The following FUT8 variants were observed in gnomAD, a reference collection of about 807,000 sequenced individuals.
FUT8 encodes alpha-(1,6)-fucosyltransferase.
A neutral mutation model predicts 71.3 loss-of-function variants in FUT8; 29 were observed. That is an observed-to-expected ratio of 0.41 (90% CI 0.30 to 0.55). FUT8 has a LOEUF of 0.55. Ranked by LOEUF, FUT8 falls within the 20% of genes least tolerant of loss-of-function variation. The pLI is 0.34. For synonymous variants in FUT8, 254 were observed against 239.3 expected (o/e 1.06, Z -0.57); for missense variants, 544 against 702.1 (o/e 0.77, Z 2.55).
chr14:65,507,961 A>G (rs1271384604), intron 2 of FUT8, among the ~76,000 whole-genome samples: 1 of 151,868 alleles, frequency 6.6e-6, no homozygotes, highest in East Asian at 1.9e-4. Context: ...CTTTGCCAGC[A>G]TTGATTATTG....
At chr14:65,629,285 A>G (rs572525630) in intron 5 of FUT8, among the ~76,000 whole-genome samples, 22 of 152,358 alleles carry the variant, frequency 1.4e-4, no homozygotes, top group Non-Finnish European at 2.2e-4. Flanking sequence ...TATTTTCTCA[A>G]CAGTGAAAAT....
intron 2 of FUT8, among the ~76,000 whole-genome samples, chr14:65,480,416 G>A (rs1488139512): frequency 1.3e-5 from 2 of 150,638 alleles, no homozygotes; most frequent in African/African-American, 4.9e-5. Flanking sequence ...CCCAGGCTTA[G>A]GTGATCCTCC....
intron 7 of FUT8, among the ~76,000 whole-genome samples, chr14:65,672,247 A>G (rs1892508429): frequency 6.6e-6 from 1 of 152,222 alleles, no homozygotes; most frequent in Non-Finnish European, 1.5e-5. Flanking sequence ...TCACCTGTAC[A>G]TGCCATGTCT....
chr14:65,542,781 G>C (rs1884752405), intron 2 of FUT8, among the ~76,000 whole-genome samples: 3 of 152,070 alleles, frequency 2.0e-5, no homozygotes, highest in South Asian at 4.2e-4. Context: ...ATATGACTAG[G>C]AATTTTTTAT....
chr14:65,728,918 CGTT>C (rs1566920505), intron 9 of FUT8, among the ~76,000 whole-genome samples: 1 of 151,764 alleles, frequency 6.6e-6, no homozygotes, highest in African/African-American at 2.4e-5. Context: ...AACATATCCT[CGTT>C]GTTAACTGGA....
Position 65,608,019 on chromosome 14 carries a change from T to G in FUT8, c.204-7959T>G, listed in dbSNP as rs1183237657. Among the ~76,000 whole-genome samples, 15 of 146,936 alleles carry G rather than the reference T, an allele frequency of 1.0e-4. 1 individual carries two copies. The highest frequency in any genetic ancestry group is 2.5e-4 in the African/African-American group (10 of 39,634). ...GGCAGAGGTTGCAGTGAGCCGAGATTGTGCCACTGCACTCCAGCCTGGCAA... is the reference window on the plus strand; with the variant it reads ...GGCAGAGGTTGCAGTGAGCCGAGATGGTGCCACTGCACTCCAGCCTGGCAA... On this transcript the variant is annotated intron_variant, in intron 3 of 10. Coordinates refer to ENST00000673929, the MANE Select transcript of FUT8 (RefSeq NM_001371533.1).
intron 7 of FUT8, among the ~76,000 whole-genome samples, chr14:65,674,230 G>C (rs1306427413): frequency 6.6e-6 from 1 of 152,070 alleles, no homozygotes; most frequent in African/African-American, 2.4e-5. Context: ...TACTATTTTT[G>C]ATCCCTTATG....
intron 7 of FUT8, among the ~76,000 whole-genome samples, chr14:65,697,216 G>C (rs976222671): frequency 6.6e-6 from 1 of 152,190 alleles, no homozygotes; most frequent in Non-Finnish European, 1.5e-5. Flanking sequence ...TGTGCTTACT[G>C]TAGCCATAGC....
intron 7 of FUT8, among the ~76,000 whole-genome samples, chr14:65,705,472 A>G (rs1894511718): frequency 6.6e-6 from 1 of 152,174 alleles, no homozygotes; most frequent in Non-Finnish European, 1.5e-5. Flanking sequence ...TCATCCCTCT[A>G]AAGGTCTCAC....
the FUT8 span, among the ~76,000 whole-genome samples, chr14:65,396,510 G>C: frequency 6.6e-6 from 1 of 152,206 alleles, no homozygotes; most frequent in Non-Finnish European, 1.5e-5. This position sits in a 1 kb window ranked among gnomAD's most constrained non-coding sequence, Gnocchi z 5.5. Context: ...CAGATCTCAT[G>C]AGACTTCTTC....
intron 2 of FUT8, among the ~76,000 whole-genome samples, chr14:65,476,215 G>T (rs994929366): frequency 2.0e-5 from 3 of 152,184 alleles, no homozygotes; most frequent in African/African-American, 4.8e-5. Context: ...GGTTTGTCCA[G>T]AGCAGGACTG....
intron 2 of FUT8, among the ~76,000 whole-genome samples, chr14:65,505,690 A>T (rs1458046752): frequency 1.3e-5 from 2 of 152,158 alleles, no homozygotes; most frequent in Non-Finnish European, 2.9e-5. Flanking sequence ...TATTTAGAAA[A>T]TTAAGAGTGG....
chr14:65,539,474 G>A (rs1884546851), intron 2 of FUT8, among the ~76,000 whole-genome samples: 1 of 152,190 alleles, frequency 6.6e-6, no homozygotes, highest in South Asian at 2.1e-4. Flanking sequence ...CAGTAGTTGA[G>A]TGGACTCTAG....
At chr14:65,702,745 G>A (rs534060386) in intron 7 of FUT8, among the ~76,000 whole-genome samples, 40 of 145,232 alleles carry the variant, frequency 2.8e-4, no homozygotes, top group African/African-American at 7.3e-4. Flanking sequence ...AATTTTTGTG[G>A]TTTTTTTTTT....
chr14:65,694,823 T>C lies in FUT8; in HGVS notation c.835+25343T>C, dbSNP rs890676823. On this transcript the variant is annotated intron_variant, in intron 7 of 10. Transcript: ENST00000673929. Reference sequence around the variant, plus strand: ...AAACCAAACACCGCATATTCTCACTTATAGGTGGGAATTGAACAATGAGAA... The same window carrying C: ...AAACCAAACACCGCATATTCTCACTCATAGGTGGGAATTGAACAATGAGAA... Among the ~76,000 whole-genome samples, 11 of 139,530 alleles carry C rather than the reference T, an allele frequency of 7.9e-5. No individual in the cohort carries two copies. In the East Asian group the frequency reaches 1.7e-3, roughly 22 times the overall value. 91.5% of individuals were successfully genotyped at this position (139,530 alleles called of 152,430 possible). A position where few individuals can be genotyped will look rare whatever the true frequency, so the allele number is the denominator to read the frequency against.
chr14:65,494,613 A>G (rs750171717), intron 2 of FUT8, among the ~76,000 whole-genome samples: 11 of 151,984 alleles, frequency 7.2e-5, no homozygotes, highest in Non-Finnish European at 1.6e-4. Flanking sequence ...TTTAAATTTT[A>G]CTTTAAGTTC....
the FUT8 span, among the ~76,000 whole-genome samples, chr14:65,364,225 G>T: frequency 6.6e-6 from 1 of 151,772 alleles, no homozygotes; most frequent in East Asian, 1.9e-4. Flanking sequence ...TTTGTTTTGA[G>T]ATGGAGTCTT....
intron 1 of FUT8, among the ~76,000 whole-genome samples, chr14:65,417,082 G>A (rs143915686): frequency 0.011 from 1,739 of 151,750 alleles, 13 homozygotes; most frequent in South Asian, 0.024. Context: ...CACTGTACCC[G>A]GCTCCTTTAT....
chr14:65,605,506 C>G (rs1259648281), intron 3 of FUT8, among the ~76,000 whole-genome samples: 1 of 151,778 alleles, frequency 6.6e-6, no homozygotes, highest in African/African-American at 2.4e-5. Flanking sequence ...TTTGGGCAAA[C>G]AAAAGAGGGG....
Sources: allele counts gnomAD v4.1 joint callset (sites outside exome capture counted in the v4.1 genomes callset), GRCh38; gene constraint gnomAD v4.1.1; non-coding constraint Gnocchi (gnomAD v3.1); transcripts MANE v1.5; gene names NCBI Gene and HGNC (gene_info 2026-07-23, HGNC 2026-07-21).